The following MIPOL1 variants were observed in gnomAD, a reference collection of about 807,000 sequenced individuals.
MIPOL1 encodes the protein mirror-image polydactyly 1.
A neutral mutation model predicts 60.9 loss-of-function variants in MIPOL1; 57 were observed. The ratio of observed to expected loss-of-function variants is 0.94; its 90% confidence interval spans 0.76 to 1.17. The LOEUF (loss-of-function observed/expected upper bound fraction) is 1.17. MIPOL1 is among the 50% of genes most tolerant of loss of function. The pLI, the probability that MIPOL1 is intolerant of heterozygous loss-of-function variation, is 0.00. For missense variants in MIPOL1, 551 were observed against 511.6 expected (o/e 1.08, Z -0.74); for synonymous variants, 179 against 168.8 (o/e 1.06, Z -0.47).
At chr14:37,293,933 AGTCT>A (rs2085348090) in intron 7 of MIPOL1, among the ~76,000 whole-genome samples, 1 of 152,164 alleles carries the variant, frequency 6.6e-6, no homozygotes, top group Non-Finnish European at 1.5e-5. Context: ...GACTTTGAAG[AGTCT>A]GTCTGATAGC....
chr14:37,532,178 G>A (rs2095483771), intron 12 of MIPOL1, among the ~76,000 whole-genome samples: 1 of 152,116 alleles, frequency 6.6e-6, no homozygotes, highest in African/African-American at 2.4e-5. Flanking sequence ...CAAATATACT[G>A]TAAGTCTAAA....
At chr14:37,341,632 A>C (rs1377952784) in intron 9 of MIPOL1, among the ~76,000 whole-genome samples, 1 of 152,180 alleles carries the variant, frequency 6.6e-6, no homozygotes, top group African/African-American at 2.4e-5. Context: ...ATAAGTTTAG[A>C]TGGGGTCTCA....
chr14:37,256,571 A>G (rs1210333165), intron 3 of MIPOL1, among the ~76,000 whole-genome samples: 1 of 151,990 alleles, frequency 6.6e-6, no homozygotes, highest in African/African-American at 2.4e-5. Context: ...TAAAAAAAGT[A>G]ATGATTACAG....
At chr14:37,274,404 C>CT (rs1192445994) in intron 6 of MIPOL1, among the ~76,000 whole-genome samples, 2 of 151,380 alleles carry the variant, frequency 1.3e-5, no homozygotes, top group Non-Finnish European at 3.0e-5. Context: ...ACCATCATTA[C>CT]TGTCATTGTC....
intron 11 of MIPOL1, among the ~76,000 whole-genome samples, chr14:37,494,387 G>C (rs1483846903): frequency 6.6e-6 from 1 of 152,204 alleles, no homozygotes; most frequent in African/African-American, 2.4e-5. Flanking sequence ...CCACGTAGGT[G>C]TATCTAAGAA....
At chr14:37,351,692 C>T (rs2091397220) in intron 9 of MIPOL1, among the ~76,000 whole-genome samples, 3 of 136,690 alleles carry the variant, frequency 2.2e-5, no homozygotes, top group Admixed American at 7.5e-5. Flanking sequence ...TGTTTTTTGG[C>T]TGCATAAATG....
At chr14:37,249,097 C>G (rs1336512624) in intron 3 of MIPOL1, among the ~76,000 whole-genome samples, 1 of 152,022 alleles carries the variant, frequency 6.6e-6, no homozygotes, top group Non-Finnish European at 1.5e-5. Flanking sequence ...AGATCTATTA[C>G]AGTAAAATGT....
At chr14:37,535,741 A>C (rs944804131) in intron 12 of MIPOL1, among the ~76,000 whole-genome samples, 4 of 152,256 alleles carry the variant, frequency 2.6e-5, no homozygotes, top group Admixed American at 2.6e-4. Flanking sequence ...TGCTATTCAC[A>C]AAATAATTAC....
At chr14:37,523,244 A>G (rs1038612660) in intron 12 of MIPOL1, among the ~76,000 whole-genome samples, 2 of 152,142 alleles carry the variant, frequency 1.3e-5, no homozygotes, top group Admixed American at 6.5e-5. Context: ...TACTTCTATG[A>G]TAAAACTTAG....
chr14:37,259,875 T>C (rs1206662028), intron 3 of MIPOL1, among the ~76,000 whole-genome samples: 1 of 152,148 alleles, frequency 6.6e-6, no homozygotes, highest in East Asian at 1.9e-4. Flanking sequence ...TGATTAAACA[T>C]ATCACCGGGA....
intron 4 of MIPOL1, among the ~76,000 whole-genome samples, chr14:37,268,229 T>G (rs978270731): frequency 1.3e-4 from 20 of 152,172 alleles, no homozygotes; most frequent in Admixed American, 2.6e-4. Context: ...ATGAAATAGA[T>G]GTATTGATAT....
At chr14:37,517,015 A>G (rs941208220) in intron 12 of MIPOL1, among the ~76,000 whole-genome samples, 1 of 152,202 alleles carries the variant, frequency 6.6e-6, no homozygotes, top group Non-Finnish European at 1.5e-5. Flanking sequence ...TATAGAAATT[A>G]AGACACTAAA....
chr14:37,395,332 T>A (rs915564088), intron 10 of MIPOL1, among the ~76,000 whole-genome samples: 7 of 152,176 alleles, frequency 4.6e-5, no homozygotes, highest in African/African-American at 1.7e-4. Context: ...TGTAGATTGC[T>A]TTTGGCAGTG....
At chr14:37,289,230 A>T (rs975343901) in intron 7 of MIPOL1, among the ~76,000 whole-genome samples, 2 of 152,208 alleles carry the variant, frequency 1.3e-5, no homozygotes, top group African/African-American at 4.8e-5. Flanking sequence ...TCAACACAGA[A>T]GCCTTTTTTG....
At chr14:37,306,422 C>T (rs1349950278) in intron 7 of MIPOL1, among the ~76,000 whole-genome samples, 3 of 151,722 alleles carry the variant, frequency 2.0e-5, no homozygotes, top group South Asian at 2.1e-4. Context: ...TCTAACAGTC[C>T]AAATATTTAA....
chr14:37,217,905 T>C (rs1968023713), intron 1 of MIPOL1, among the ~76,000 whole-genome samples: 1 of 152,202 alleles, frequency 6.6e-6, no homozygotes, highest in South Asian at 2.1e-4. Flanking sequence ...TTCCTTCTTT[T>C]TAAAAATATG....
intron 6 of MIPOL1, among the ~76,000 whole-genome samples, chr14:37,273,081 A>T (rs2083410879): frequency 2.0e-5 from 3 of 151,318 alleles, no homozygotes; most frequent in Admixed American, 2.0e-4. Flanking sequence ...CCATAAGGGA[A>T]TTATTAAATA....
chr14:37,363,168 G>A (rs1057514940), intron 9 of MIPOL1, among the ~76,000 whole-genome samples: 5 of 152,118 alleles, frequency 3.3e-5, no homozygotes, highest in Admixed American at 2.0e-4. Flanking sequence ...GAGGAGCTGC[G>A]ATCCTTTGGA....
intron 1 of MIPOL1, among the ~76,000 whole-genome samples, chr14:37,245,977 T>G (rs1973136570): frequency 6.6e-6 from 1 of 152,156 alleles, no homozygotes; most frequent in South Asian, 2.1e-4. Flanking sequence ...GGATGCATTT[T>G]TGTGTAGTAC....
Sources: allele counts gnomAD v4.1 joint callset (sites outside exome capture counted in the v4.1 genomes callset), GRCh38; gene constraint gnomAD v4.1.1; transcripts MANE v1.5; gene names NCBI Gene and HGNC (gene_info 2026-07-23, HGNC 2026-07-21).